The following CUL2 variants were observed in gnomAD, a reference collection of about 807,000 sequenced individuals.
CUL2 encodes the protein cullin 2.
A neutral mutation model predicts 110.2 loss-of-function variants in CUL2; 22 were observed. That is an observed-to-expected ratio of 0.20 (90% confidence interval 0.14 to 0.28). CUL2 has a LOEUF of 0.28. Among genes scored for constraint, CUL2 ranks in the 10% least tolerant of loss-of-function variants. The pLI, the probability that CUL2 is intolerant of heterozygous loss-of-function variation, is 1.00. For synonymous variants in CUL2, 279 were observed against 293.2 expected, an observed-to-expected ratio of 0.95 and a Z score of 0.49; for missense variants, 631 against 905.5, an observed-to-expected ratio of 0.70 and a Z score of 3.89.
intron 1 of CUL2, among the ~76,000 whole-genome samples, chr10:35,081,112 T>C (rs2086937650): frequency 6.6e-6 from 1 of 152,060 alleles, no homozygotes; most frequent in Non-Finnish European, 1.5e-5. Context: ...GAGTCCCAGC[T>C]ACTCAGGAGG....
intron 17 of CUL2, among the ~76,000 whole-genome samples, chr10:35,023,011 C>T (rs973793315): frequency 1.3e-5 from 2 of 152,086 alleles, no homozygotes; most frequent in Non-Finnish European, 2.9e-5. Flanking sequence ...CCACTGCACT[C>T]CAGCCTGGGT....
intron 1 of CUL2, among the ~76,000 whole-genome samples, chr10:35,101,314 C>T (rs1022438117): frequency 1.3e-5 from 2 of 152,160 alleles, no homozygotes; most frequent in Admixed American, 6.6e-5. Context: ...AACTACAGAA[C>T]CAGTTGCTTT....
rs1296252703 is a variant in CUL2 at position 35,028,801 on chromosome 10, C to A, written c.1617+9G>T. ...CTTTAGTCTTCTAATATATTTCCTG[C>A]AAACTTACCATCTGTACACTTTTTT... On this transcript the variant is annotated intron_variant, in intron 16 of 20. Coordinates refer to ENST00000374749, the MANE Select transcript of CUL2 (RefSeq NM_003591.4). 6.3e-7 allele frequency: 1 copy of A among 1,582,808 alleles called. No individual in the cohort carries two copies. The highest frequency in any genetic ancestry group is 1.4e-5 in the African/African-American group (1 of 73,772).
intron 1 of CUL2, among the ~76,000 whole-genome samples, chr10:35,077,534 G>C (rs12773169): frequency 0.34 from 50,958 of 151,416 alleles, 8,595 homozygotes; most frequent in South Asian, 0.35. Flanking sequence ...AAATAAAAAT[G>C]AGGCCAGATG....
Position 35,016,205 on chromosome 10 carries a change from T to C in CUL2, c.1874A>G (p.His625Arg). The change falls in exon 18 of 21, where the codon CAT (histidine) becomes CGT (arginine). Residue 625 changes from histidine to arginine, a missense_variant. His to Arg is a conservative substitution (Grantham distance 29). Transcript: ENST00000374749. Reference sequence around the variant, plus strand: ...ATTACTACATACCTTTTCTGAATCATGGTTAATCATTTTCACATCAAGTAA... The same window carrying C: ...ATTACTACATACCTTTTCTGAATCACGGTTAATCATTTTCACATCAAGTAA... ...KSLLDVKMIN[H>R]DSEKEDIDAE... 1 of 1,613,158 alleles carries C rather than the reference T, an allele frequency of 6.2e-7. No homozygotes were observed. Among genetic ancestry groups the C allele is most frequent in the Non-Finnish European group, 8.5e-7 (1 of 1,179,302 alleles).
rs533466669 is a variant in CUL2, at chr10:35,085,637, G to A, written c.-23+4542C>T. 2.4e-3 allele frequency among the ~76,000 whole-genome samples: 354 copies of A among 149,676 alleles called. 3 individuals are homozygous for A. Among genetic ancestry groups the A allele is most frequent in the African/African-American group, 8.5e-3 (343 of 40,554 alleles). On this transcript the variant is annotated intron_variant, in intron 1 of 20. Coordinates refer to ENST00000374749, the MANE Select transcript of CUL2 (RefSeq NM_003591.4). ...CAGGCGCCTGTAGTCCCAGCTACTC[G>A]GGAGGCTGAGGCAGAATGGTGTGAA...
At chr10:35,092,722 CTTAATTTGGGGAGGAAGTTAGTTTATGGT>C (rs1589057514), upstream of CUL2, among the ~76,000 whole-genome samples, 1 of 152,306 alleles carries the variant, frequency 6.6e-6, no homozygotes, top group East Asian at 1.9e-4. Context: ...CATAGGCCAA[CTTAATTTGGGGAGGAAGTTAGTTTATGGT>C]TTAACTTGAA....
At chr10:35,048,224 G>GTTT (rs2086001894) in intron 6 of CUL2, among the ~76,000 whole-genome samples, 1 of 145,042 alleles carries the variant, frequency 6.9e-6, no homozygotes, top group South Asian at 2.2e-4. Context: ...AACTCTAAGA[G>GTTT]AGCTGTCATG....
intron 1 of CUL2, among the ~76,000 whole-genome samples, chr10:35,073,596 TC>T (rs1173911405): frequency 1.3e-5 from 2 of 151,392 alleles, no homozygotes; most frequent in Non-Finnish European, 2.9e-5. Context: ...TTTTTTTTTT[TC>T]TTTTTCTTTT....
intron 12 of CUL2, 87 bp downstream of exon 12, chr10:35,032,348 A>G: frequency 8.2e-7 from 1 of 1,226,012 alleles, no homozygotes; most frequent in Non-Finnish European, 1.2e-6. Flanking sequence ...AAAATGCTAC[A>G]AAAACCAAAT....
At chr10:35,012,226 T>C (rs570409902) in intron 19 of CUL2, among the ~76,000 whole-genome samples, 21 of 152,156 alleles carry the variant, frequency 1.4e-4, no homozygotes, top group Admixed American at 7.2e-4. Context: ...GCAAATTATA[T>C]AGTTATGTTG....
At chr10:35,012,099 G>T in intron 19 of CUL2, 135 bp from the exon 20 acceptor site, 1 of 584,452 alleles carries the variant, frequency 1.7e-6, no homozygotes, top group Non-Finnish European at 3.0e-6. Flanking sequence ...TGTCGTCCTG[G>T]CTGGAGTTCA....
chr10:35,031,755 T>C lies in CUL2; in HGVS notation c.1171-136A>G. On this transcript the variant is annotated intron_variant, in intron 12 of 20. Coordinates refer to ENST00000374749, the MANE Select transcript of CUL2 (RefSeq NM_003591.4). The surrounding 1 kb of genome is among the most constrained non-coding windows in gnomAD (Gnocchi z 4.4). ...GTTTTTTTTAGAGACCGGGTCTTGCTCTGTTGCCAGGCTGGATTGCAGTGG... is the reference window on the plus strand; with the variant it reads ...GTTTTTTTTAGAGACCGGGTCTTGCCCTGTTGCCAGGCTGGATTGCAGTGG... 1.2e-6 allele frequency: 1 copy of C among 837,462 alleles called. No individual in the cohort carries two copies. The highest frequency in any genetic ancestry group is 1.8e-6 in the Non-Finnish European group (1 of 540,588). 51.9% of individuals were successfully genotyped at this position (837,462 alleles called of 1,614,324 possible).
At chr10:35,083,164 AAAAAAG>A (rs1390748197) in intron 1 of CUL2, among the ~76,000 whole-genome samples, 3 of 151,900 alleles carry the variant, frequency 2.0e-5, no homozygotes, top group Admixed American at 6.6e-5. Flanking sequence ...CAAAAAAAAA[AAAAAAG>A]AAAGAAAAAG....
At chr10:35,067,157 AAG>A (rs2086553054) in intron 2 of CUL2, among the ~76,000 whole-genome samples, 2 of 151,688 alleles carry the variant, frequency 1.3e-5, no homozygotes, top group South Asian at 4.2e-4. Context: ...AAAAAAAAAA[AAG>A]AAATGAAGAC....
chr10:35,066,410 C>T (rs532658348), intron 2 of CUL2, among the ~76,000 whole-genome samples: 17 of 152,110 alleles, frequency 1.1e-4, no homozygotes, highest in Non-Finnish European at 2.5e-4. Flanking sequence ...AGCAATTATC[C>T]TGCCTACCTC....
chr10:35,014,149 C>T (rs1414007686), intron 18 of CUL2, among the ~76,000 whole-genome samples: 3 of 152,104 alleles, frequency 2.0e-5, no homozygotes, highest in Admixed American at 1.3e-4. Context: ...CACCAAAGTG[C>T]GTAACTTTTC....
chr10:35,069,336 C>T (rs1406261696), intron 2 of CUL2, among the ~76,000 whole-genome samples: 1 of 151,902 alleles, frequency 6.6e-6, no homozygotes, highest in Non-Finnish European at 1.5e-5. Context: ...CCCAGGAGCT[C>T]GAGATCAGCC....
chr10:35,109,410 G>A (rs937483183), intron 1 of CUL2, among the ~76,000 whole-genome samples: 8 of 152,124 alleles, frequency 5.3e-5, no homozygotes, highest in Non-Finnish European at 8.8e-5. Context: ...TATTTGTAGG[G>A]TCCTTTTCTC....
Sources: allele counts gnomAD v4.1 joint callset (sites outside exome capture counted in the v4.1 genomes callset), GRCh38; gene constraint gnomAD v4.1.1; non-coding constraint Gnocchi (gnomAD v3.1); transcripts MANE v1.5; gene names NCBI Gene and HGNC (gene_info 2026-07-23, HGNC 2026-07-21).